The following RNGTT variants were observed in gnomAD, a reference collection of about 807,000 sequenced individuals.
RNGTT encodes the protein RNA guanylyltransferase and 5'-phosphatase.
In RNGTT, 33 loss-of-function variants were observed where a neutral mutation model predicts 79.3. The observed-to-expected ratio is 0.42, with a 90% CI of 0.32 to 0.56. The LOEUF is 0.56. Ranked by LOEUF, RNGTT falls within the 20% of genes least tolerant of loss-of-function variation. The probability of loss-of-function intolerance (pLI) is 0.17; values close to 1 mark genes in which losing one functional copy is unlikely to be tolerated. For missense variants in RNGTT, 497 were observed against 739.1 expected (o/e 0.67, Z 3.80); for synonymous variants, 222 against 235.9 (o/e 0.94, Z 0.54).
At chr6:88,961,303 A>G (rs1371119369) in intron 1 of RNGTT, among the ~76,000 whole-genome samples, 6 of 152,082 alleles carry the variant, frequency 3.9e-5, no homozygotes, top group African/African-American at 1.4e-4. Flanking sequence ...AACAGTTAAT[A>G]AACTCCCCTT....
intron 13 of RNGTT, among the ~76,000 whole-genome samples, chr6:88,704,360 A>AC (rs1460918750): frequency 5.9e-5 from 9 of 151,346 alleles, no homozygotes; most frequent in African/African-American, 2.2e-4. Flanking sequence ...TTGTTTAATT[A>AC]CCAGAGTAAT....
At chr6:88,635,750 G>C (rs892016146) in intron 14 of RNGTT, among the ~76,000 whole-genome samples, 4 of 152,008 alleles carry the variant, frequency 2.6e-5, no homozygotes, top group African/African-American at 9.7e-5. Flanking sequence ...TTTGGTTGTA[G>C]TCTCCTGTGG....
chr6:88,676,012 CCAATCA>C (rs1412527069), intron 14 of RNGTT, among the ~76,000 whole-genome samples: 1 of 151,998 alleles, frequency 6.6e-6, no homozygotes, highest in Admixed American at 6.6e-5. Flanking sequence ...CAACACAATC[CCAATCA>C]CAATCCGAAC....
At chr6:88,861,093 A>T (rs544898091) in intron 8 of RNGTT, among the ~76,000 whole-genome samples, 1 of 152,158 alleles carries the variant, frequency 6.6e-6, no homozygotes, top group Non-Finnish European at 1.5e-5. Flanking sequence ...CTTTTCTCTC[A>T]TAAGAATTCA....
rs183830136 is a variant in RNGTT, at chr6:88,742,937, T to C, written c.1439+26837A>G. ...TCACAGTTTAAGACGTCACCTTTCA[T>C]CTGGAGAAAAAGATATGGATTACAG... On this transcript the variant is annotated intron_variant, in intron 13 of 15. Coordinates refer to ENST00000369485, the MANE Select transcript of RNGTT (RefSeq NM_003800.5). 3.3e-5 allele frequency among the ~76,000 whole-genome samples: 5 copies of C among 152,284 alleles called. No individual in the cohort carries two copies. In the East Asian group the frequency reaches 7.7e-4, roughly 24 times the overall value.
intron 1 of RNGTT, among the ~76,000 whole-genome samples, chr6:88,942,572 T>C (rs1287221329): frequency 2.0e-5 from 3 of 152,076 alleles, no homozygotes; most frequent in East Asian, 1.9e-4. Flanking sequence ...GGTTTTGCCA[T>C]GTTGCCCAGG....
chr6:88,904,380 A>T (rs1783576303), intron 6 of RNGTT, among the ~76,000 whole-genome samples: 1 of 152,038 alleles, frequency 6.6e-6, no homozygotes, highest in Non-Finnish European at 1.5e-5. Context: ...TCAAATCCAG[A>T]CTGGTCAACA....
intron 13 of RNGTT, among the ~76,000 whole-genome samples, chr6:88,684,215 C>G (rs549106240): frequency 7.8e-4 from 118 of 152,082 alleles, no homozygotes; most frequent in Non-Finnish European, 1.3e-3. Context: ...TGGCCAAAAT[C>G]CAGAACACTG....
intron 6 of RNGTT, among the ~76,000 whole-genome samples, chr6:88,903,826 T>G (rs1464841211): frequency 2.0e-5 from 3 of 152,208 alleles, no homozygotes; most frequent in Admixed American, 1.3e-4. Flanking sequence ...AACTTTTCCC[T>G]TTGGCCTATA....
chr6:88,734,647 A>C (rs79538916), intron 13 of RNGTT, among the ~76,000 whole-genome samples: 1,539 of 152,292 alleles, frequency 0.01, 16 homozygotes, highest in Middle Eastern at 0.017. Flanking sequence ...AGTTAAAACT[A>C]ACCAAAAGAA....
At chr6:88,821,473 C>T (rs1356940556) in intron 11 of RNGTT, among the ~76,000 whole-genome samples, 2 of 151,578 alleles carry the variant, frequency 1.3e-5, no homozygotes, top group Non-Finnish European at 2.9e-5. Flanking sequence ...TCCAATAATA[C>T]AAAAAGAAGA....
intron 4 of RNGTT, among the ~76,000 whole-genome samples, chr6:88,911,401 T>C (rs1395915282): frequency 2.6e-5 from 4 of 152,180 alleles, no homozygotes; most frequent in African/African-American, 7.2e-5. Flanking sequence ...CATTACGTGA[T>C]AAAAAGTTCA....
chr6:88,698,226 T>C (rs1295526233), intron 13 of RNGTT, among the ~76,000 whole-genome samples: 1 of 119,706 alleles, frequency 8.4e-6, no homozygotes, highest in Non-Finnish European at 1.6e-5. Flanking sequence ...ATATATCATA[T>C]ATATATGAAA....
chr6:88,909,843 T>C (rs1040610194), intron 4 of RNGTT, among the ~76,000 whole-genome samples: 34 of 151,908 alleles, frequency 2.2e-4, no homozygotes, highest in African/African-American at 6.3e-4. Context: ...GAAACCCTCA[T>C]AGAAACCTAT....
intron 1 of RNGTT, among the ~76,000 whole-genome samples, chr6:88,960,340 A>G (rs78050421): frequency 1.0e-3 from 158 of 152,380 alleles, no homozygotes; most frequent in African/African-American, 3.5e-3. Context: ...GTATGTGCCA[A>G]TGCACCTGGC....
At chr6:88,895,040 TTC>T (rs921321926) in intron 6 of RNGTT, among the ~76,000 whole-genome samples, 7 of 152,210 alleles carry the variant, frequency 4.6e-5, no homozygotes, top group South Asian at 2.1e-4. Context: ...AACAAATTAT[TTC>T]TGTTTGTGAA....
intron 14 of RNGTT, among the ~76,000 whole-genome samples, chr6:88,639,687 T>C (rs1303938533): frequency 4.6e-5 from 7 of 152,144 alleles, no homozygotes; most frequent in Admixed American, 3.9e-4. Context: ...ACCACAATAC[T>C]GAAAAATGCC....
Position 88,911,548 on chromosome 6 carries a change from T to A in RNGTT, c.368-5108A>T, listed in dbSNP as rs1037768963. 2.6e-5 allele frequency among the ~76,000 whole-genome samples: 4 copies of A among 152,226 alleles called. No individual in the cohort carries two copies. The South Asian group carries it at 8.3e-4, about 32-fold the overall frequency. On this transcript the variant is annotated intron_variant, in intron 4 of 15. Transcript: ENST00000369485. ...TTTTTTTAATCTTAATCATGCCAAG[T>A]ATGTGCTTGGACCACAGTGAAATAA...
At chr6:88,877,075 A>G (rs78941278) in intron 8 of RNGTT, among the ~76,000 whole-genome samples, 1 of 152,230 alleles carries the variant, frequency 6.6e-6, no homozygotes, top group East Asian at 1.9e-4. Context: ...GGTATTTCAA[A>G]GATTTGGTTT....
Sources: gnomAD v4.1 joint callset for allele counts (sites outside exome capture counted in the v4.1 genomes callset) on GRCh38, gnomAD v4.1.1 for gene constraint, MANE v1.5 for transcripts, NCBI Gene and HGNC (gene_info 2026-07-23, HGNC 2026-07-21) for gene names.